TBC1D2B: variants seen among roughly 807,000 people sequenced by gnomAD.
TBC1D2B encodes TBC1 domain family member 2B.
TBC1D2B carries 64 observed loss-of-function variants against 100.8 expected under a neutral mutation model. The observed-to-expected ratio is 0.64, with a 90% CI of 0.52 to 0.78. The LOEUF (loss-of-function observed/expected upper bound fraction) is 0.78, where lower values mean the gene tolerates loss of function less well. Ranked by LOEUF, TBC1D2B falls within the 30% of genes least tolerant of loss-of-function variation. The pLI is 0.00. For synonymous variants in TBC1D2B, 480 were observed against 479.7 expected (o/e 1.00, Z -0.01); for missense variants, 1,052 against 1,218.4 (o/e 0.86, Z 2.03).
chr15:78,076,066 G>A (rs2073823751), intron 1 of TBC1D2B, among the ~76,000 whole-genome samples: 1 of 152,136 alleles, frequency 6.6e-6, no homozygotes, highest in Non-Finnish European at 1.5e-5. Context: ...AGGGAGCAAA[G>A]CCTGGAAAAA....
chr15:78,049,038 G>C (rs1024993320), intron 2 of TBC1D2B, among the ~76,000 whole-genome samples: 3 of 152,168 alleles, frequency 2.0e-5, no homozygotes, highest in Non-Finnish European at 4.4e-5. Context: ...AGACAGGGTG[G>C]GTTTAATCTG....
intron 1 of TBC1D2B, among the ~76,000 whole-genome samples, chr15:78,075,972 C>A (rs2073822219): frequency 6.6e-6 from 1 of 152,162 alleles, no homozygotes. Context: ...TACATCCCAG[C>A]CCAACCCTGT....
At chr15:78,036,513 A>T (rs1278591302) in intron 3 of TBC1D2B, among the ~76,000 whole-genome samples, 3 of 152,186 alleles carry the variant, frequency 2.0e-5, no homozygotes, top group African/African-American at 4.8e-5. Context: ...TCAACTACAG[A>T]AGAGGAGACA....
chr15:78,016,332 CT>C (rs898026624), intron 8 of TBC1D2B, among the ~76,000 whole-genome samples: 8 of 140,194 alleles, frequency 5.7e-5, no homozygotes, highest in Non-Finnish European at 1.1e-4. Flanking sequence ...AAAAATAGGT[CT>C]TGCAATCAGA....
At position 78,017,902 on chromosome 15, in the gene TBC1D2B, T is replaced by C. The variant is rs1419917234; in HGVS notation, c.1526A>G (p.Glu509Gly). The C allele has an allele frequency of 6.2e-7, 1 of 1,612,002 alleles. No individual in the cohort carries two copies. Among genetic ancestry groups the C allele is most frequent in the Non-Finnish European group, 8.5e-7 (1 of 1,179,060 alleles). The change falls in exon 7 of 13, where the codon GAA becomes GGA. Residue 509 changes from glutamate to glycine, a missense_variant. This residue lies in a region of TBC1D2B where 5 missense variants were observed against 19.1 expected (regional missense o/e 0.26). Transcript: ENST00000300584. ...TGCATTTCTTCGTAGAGCTGAGAGT[T>C]CCAAAATCTCCTTATTTAGAAATTT... ...QNKFLNKEIL[E>G]LSALRRNAER...
At position 78,025,254 on chromosome 15, in the gene TBC1D2B, G is replaced by A; in HGVS notation, c.1086+5C>T. The A allele has an allele frequency of 1.2e-6, 2 of 1,611,068 alleles. No homozygotes were observed. The highest frequency in any genetic ancestry group is 1.7e-6 in the Non-Finnish European group (2 of 1,177,850). On this transcript the variant is annotated splice_donor_5th_base_variant and intron_variant, in intron 5 of 12. Transcript: ENST00000300584. The stretch of plus-strand genomic sequence containing the variant: ...GGTAAGACAGAAGCCAGAAGAAGAA[G>A]TTACCTTCTGACTGGACAGGTCTTT...
At chr15:78,060,202 A>C (rs1358374031) in intron 1 of TBC1D2B, among the ~76,000 whole-genome samples, 1 of 152,238 alleles carries the variant, frequency 6.6e-6, no homozygotes, top group African/African-American at 2.4e-5. Context: ...GTTAGCACTA[A>C]GAATACAGAA....
intron 3 of TBC1D2B, among the ~76,000 whole-genome samples, chr15:78,030,409 C>T (rs930355294): frequency 1.3e-5 from 2 of 151,772 alleles, no homozygotes; most frequent in African/African-American, 4.8e-5. Context: ...TCAAGCAATT[C>T]GCCTGCCTCA....
intron 10 of TBC1D2B, among the ~76,000 whole-genome samples, chr15:78,005,825 A>G (rs1211435410): frequency 2.0e-5 from 3 of 152,170 alleles, no homozygotes. Context: ...TTGTATAGTC[A>G]GGGGGGAAAA....
At chr15:78,042,570 T>C (rs1454176790) in intron 3 of TBC1D2B, among the ~76,000 whole-genome samples, 1 of 152,082 alleles carries the variant, frequency 6.6e-6, no homozygotes, top group African/African-American at 2.4e-5. Context: ...AAATCAGTGG[T>C]TCTCAAGCTG....
intron 1 of TBC1D2B, 132 bp downstream of exon 1, chr15:78,077,161 C>G (rs1307785795): frequency 1.1e-5 from 14 of 1,219,794 alleles, no homozygotes; most frequent in South Asian, 1.8e-5. Context: ...TGTGGAGAAG[C>G]AGGGAAAGGC....
chr15:78,068,610 G>A (rs776679861), intron 1 of TBC1D2B, among the ~76,000 whole-genome samples: 1 of 152,160 alleles, frequency 6.6e-6, no homozygotes, highest in Non-Finnish European at 1.5e-5. Flanking sequence ...ATCTGTAGCC[G>A]ACTGAGGGCC....
chr15:78,035,253 T>C (rs1202578365), intron 3 of TBC1D2B, among the ~76,000 whole-genome samples: 1 of 152,218 alleles, frequency 6.6e-6, no homozygotes, highest in African/African-American at 2.4e-5. Context: ...TAAGAAAACC[T>C]CTTTCCGGTG....
At chr15:78,034,164 G>A (rs1202749948) in intron 3 of TBC1D2B, among the ~76,000 whole-genome samples, 1 of 152,202 alleles carries the variant, frequency 6.6e-6, no homozygotes, top group Non-Finnish European at 1.5e-5. Context: ...AAGGATTCTA[G>A]TCAATTCCCC....
intron 11 of TBC1D2B, chr15:78,001,975 A>T: frequency 2.9e-6 from 1 of 346,384 alleles, no homozygotes; most frequent in Non-Finnish European, 5.2e-6. Flanking sequence ...CCAAACCAAA[A>T]ATCTCCTTAT....
chr15:78,053,812 CCATATG>C, intron 2 of TBC1D2B: 1 of 480,978 alleles, frequency 2.1e-6, no homozygotes, highest in Non-Finnish European at 3.7e-6. Flanking sequence ...GTCGTATCTT[CCATATG>C]CTTGGCACTG....
chr15:78,063,546 C>T (rs575654592), intron 1 of TBC1D2B, among the ~76,000 whole-genome samples: 3 of 152,234 alleles, frequency 2.0e-5, no homozygotes, highest in South Asian at 2.1e-4. Context: ...TGCTGGTCCC[C>T]ACATCAGTAG....
chr15:78,053,400 T>C (rs572295694), intron 2 of TBC1D2B, among the ~76,000 whole-genome samples: 1 of 152,330 alleles, frequency 6.6e-6, no homozygotes, highest in African/African-American at 2.4e-5. Flanking sequence ...GGATGTGTTA[T>C]TTTCCCTGTA....
chr15:78,065,096 C>T (rs2073630436), intron 1 of TBC1D2B, among the ~76,000 whole-genome samples: 1 of 152,192 alleles, frequency 6.6e-6, no homozygotes, highest in Admixed American at 6.5e-5. Flanking sequence ...TGGGAAGATG[C>T]CACATTCATC....
Sources: gnomAD v4.1 joint callset for allele counts (sites outside exome capture counted in the v4.1 genomes callset) on GRCh38, gnomAD v4.1.1 for gene constraint, gnomAD v4.1.1 regional missense constraint, MANE v1.5 for transcripts, NCBI Gene and HGNC (gene_info 2026-07-23, HGNC 2026-07-21) for gene names.